The following TENM3 variants were observed in gnomAD, a reference collection of about 807,000 sequenced individuals.
TENM3 encodes the protein teneurin transmembrane protein 3, also known as teneurin-3.
A neutral mutation model predicts 255.1 loss-of-function variants in TENM3; 63 were observed. The observed-to-expected ratio is 0.25, with a 90% confidence interval of 0.20 to 0.30. The LOEUF is 0.30. Ranked by LOEUF, TENM3 falls within the 10% of genes least tolerant of loss-of-function variation. The pLI is 1.00. For synonymous variants in TENM3, 1,306 were observed against 1,322.3 expected (o/e 0.99, Z 0.27); for missense variants, 2,929 against 3,461.1 (o/e 0.85, Z 3.86).
intron 3 of TENM3, among the ~76,000 whole-genome samples, chr4:182,470,230 G>C (rs1415566824): frequency 6.6e-6 from 1 of 152,160 alleles, no homozygotes; most frequent in Non-Finnish European, 1.5e-5. Flanking sequence ...TAAATGTGAT[G>C]ATCAAAAACT....
At chr4:181,729,437 C>T in the TENM3 span, among the ~76,000 whole-genome samples, 1 of 152,098 alleles carries the variant, frequency 6.6e-6, no homozygotes, top group Admixed American at 6.6e-5. Context: ...AGCAGAAGCC[C>T]GGGTCACAGG....
At chr4:181,729,493 C>G in the TENM3 span, among the ~76,000 whole-genome samples, 1 of 152,080 alleles carries the variant, frequency 6.6e-6, no homozygotes, top group Non-Finnish European at 1.5e-5. Context: ...ACCGGAAAGG[C>G]AGCCAGGTTG....
the TENM3 span, among the ~76,000 whole-genome samples, chr4:181,721,669 C>T: frequency 2.7e-5 from 4 of 147,978 alleles, no homozygotes; most frequent in African/African-American, 5.0e-5. Context: ...AAGAGGAATG[C>T]AGCCAGGGAA....
chr4:181,690,968 C>T, the TENM3 span, among the ~76,000 whole-genome samples: 1,069 of 152,242 alleles, frequency 7.0e-3, 47 homozygotes, highest in East Asian at 0.12. Flanking sequence ...TATATGACGG[C>T]TCTCTCCTTT....
intron 4 of TENM3, 130 bp downstream of exon 4, chr4:182,601,291 G>T (rs1243715691): frequency 1.4e-6 from 1 of 739,836 alleles, no homozygotes; most frequent in African/African-American, 1.8e-5. Flanking sequence ...TCTTCTCTAA[G>T]AAGCAGTTCC....
intron 3 of TENM3, among the ~76,000 whole-genome samples, chr4:182,458,711 T>C (rs1474674794): frequency 6.6e-6 from 1 of 152,208 alleles, no homozygotes; most frequent in Non-Finnish European, 1.5e-5. Flanking sequence ...TAGTTTATTT[T>C]TCCATACATG....
chr4:181,746,908 G>A, the TENM3 span, among the ~76,000 whole-genome samples: 210 of 152,064 alleles, frequency 1.4e-3, 2 homozygotes, highest in Non-Finnish European at 2.4e-3. Context: ...TATTTAGTCA[G>A]TATTTTTTCC....
At chr4:182,156,448 C>T (rs992963887) in intron 1 of TENM3, among the ~76,000 whole-genome samples, 2 of 152,008 alleles carry the variant, frequency 1.3e-5, no homozygotes, top group Non-Finnish European at 2.9e-5. Flanking sequence ...TACGGATGAT[C>T]TCGTCACCCG....
At chr4:181,494,026 A>G in the TENM3 span, among the ~76,000 whole-genome samples, 15 of 152,282 alleles carry the variant, frequency 9.9e-5, no homozygotes, top group East Asian at 3.9e-4. Flanking sequence ...TAATCCTCAC[A>G]GCAGCCCTGT....
the TENM3 span, among the ~76,000 whole-genome samples, chr4:181,571,076 A>C: frequency 8.9e-4 from 135 of 152,206 alleles, no homozygotes; most frequent in Non-Finnish European, 1.7e-3. Flanking sequence ...CTGTGGATTT[A>C]TGGTCCCCCT....
At chr4:181,971,049 G>A in the TENM3 span, among the ~76,000 whole-genome samples, 1 of 152,166 alleles carries the variant, frequency 6.6e-6, no homozygotes, top group African/African-American at 2.4e-5. Flanking sequence ...CTGGGCTCAA[G>A]TGATCCTCCC....
the TENM3 span, among the ~76,000 whole-genome samples, chr4:182,059,393 A>G: frequency 6.6e-6 from 1 of 152,108 alleles, no homozygotes; most frequent in Non-Finnish European, 1.5e-5. Flanking sequence ...ACCAAAATGC[A>G]CTTTCAAAGT....
the TENM3 span, among the ~76,000 whole-genome samples, chr4:181,556,281 A>T: frequency 6.6e-6 from 1 of 152,118 alleles, no homozygotes; most frequent in African/African-American, 2.4e-5. Flanking sequence ...TTTATATTGT[A>T]AGAGGCTGAT....
chr4:182,531,025 T>C (rs1739723925), intron 3 of TENM3, among the ~76,000 whole-genome samples: 1 of 152,072 alleles, frequency 6.6e-6, no homozygotes, highest in Non-Finnish European at 1.5e-5. Flanking sequence ...AAGCAGAGTC[T>C]GGAGAGAGTG....
At chr4:181,935,130 C>T in the TENM3 span, among the ~76,000 whole-genome samples, 13 of 152,228 alleles carry the variant, frequency 8.5e-5, no homozygotes, top group East Asian at 2.3e-3. Flanking sequence ...TTGTAATTTT[C>T]AAGATATGCA....
chr4:181,763,234 G>C, the TENM3 span, among the ~76,000 whole-genome samples: 127,669 of 152,142 alleles, frequency 0.84, 53,830 homozygotes, highest in East Asian at 0.94. Context: ...CAAGAAATTT[G>C]ACCTTCGTAT....
intron 4 of TENM3, among the ~76,000 whole-genome samples, chr4:182,621,179 T>TA (rs113609964): frequency 0.36 from 52,343 of 146,630 alleles, 9,754 homozygotes; most frequent in Non-Finnish European, 0.43. Flanking sequence ...AGACTCCGTC[T>TA]AAAAAAAAAA....
At chr4:182,115,688 C>G in the TENM3 span, among the ~76,000 whole-genome samples, 2 of 152,120 alleles carry the variant, frequency 1.3e-5, no homozygotes, top group African/African-American at 2.4e-5. Context: ...CTCATTCACC[C>G]TTTCCCCCAG....
At chr4:182,132,558 T>C in the TENM3 span, among the ~76,000 whole-genome samples, 1 of 152,124 alleles carries the variant, frequency 6.6e-6, no homozygotes, top group Non-Finnish European at 1.5e-5. Context: ...CAAAGGAAGA[T>C]GAGTAAAGTT....
Sources: allele counts gnomAD v4.1 joint callset (sites outside exome capture counted in the v4.1 genomes callset), GRCh38; gene constraint gnomAD v4.1.1; transcripts MANE v1.5; gene names NCBI Gene and HGNC (gene_info 2026-07-23, HGNC 2026-07-21).